Variants in EPM2A observed in about 807,000 individuals in gnomAD.
The protein encoded by EPM2A is EPM2A glucan phosphatase, laforin, also known as laforin.
Under a neutral mutation model 26.5 loss-of-function variants are expected in EPM2A, and 21 were observed. The observed-to-expected ratio is 0.79, with a 90% CI of 0.56 to 1.14. The LOEUF (loss-of-function observed/expected upper bound fraction) is 1.14. EPM2A is among the 50% of genes most tolerant of loss of function. EPM2A has a pLI of 0.00. For synonymous variants in EPM2A, 217 were observed against 177.6 expected (o/e 1.22, Z -1.76); for missense variants, 458 against 440.8 (o/e 1.04, Z -0.35).
Position 145,635,446 on chromosome 6 carries a change from C to T in EPM2A, c.517G>A (p.Val173Met), listed in dbSNP as rs2128562745. The change falls in exon 3 of 4, where the codon GTG (valine) becomes ATG (methionine). Residue 173 changes from valine to methionine, a missense_variant. Coordinates refer to ENST00000367519, the MANE Select transcript of EPM2A (RefSeq NM_005670.4). ...TTCAGTTTGATGGTTACATGTTCCA[C>T]CTGACGAGGGCAGCTACCCAGCCAG... ...NIWLGSCPRQ[V>M]EHVTIKLKHE... 6.2e-7 allele frequency: 1 copy of T among 1,614,032 alleles called. No homozygotes were observed. Among genetic ancestry groups the T allele is most frequent in the South Asian group, 1.1e-5 (1 of 91,086 alleles).
At chr6:145,674,104 C>A (rs1200316417) in intron 2 of EPM2A, among the ~76,000 whole-genome samples, 1 of 152,120 alleles carries the variant, frequency 6.6e-6, no homozygotes, top group Non-Finnish European at 1.5e-5. Flanking sequence ...AAGGATCAGG[C>A]AGCAATATTT....
intron 2 of EPM2A, among the ~76,000 whole-genome samples, chr6:145,541,743 A>G (rs1780513575): frequency 1.3e-5 from 2 of 152,198 alleles, no homozygotes; most frequent in Non-Finnish European, 2.9e-5. Context: ...CCAGAGGCAG[A>G]TATGAGACAA....
At chr6:145,527,644 T>C (rs1780295113) in intron 2 of EPM2A, among the ~76,000 whole-genome samples, 1 of 152,094 alleles carries the variant, frequency 6.6e-6, no homozygotes, top group African/African-American at 2.4e-5. Flanking sequence ...TCCATCCCTC[T>C]ACTTTGAGCC....
intron 4 of EPM2A, among the ~76,000 whole-genome samples, chr6:145,408,053 A>G (rs963499902): frequency 5.3e-5 from 8 of 152,210 alleles, no homozygotes; most frequent in African/African-American, 1.7e-4. Context: ...ATTTGAGGAC[A>G]TAATTCCTTA....
chr6:145,702,473 G>A (rs991507), intron 1 of EPM2A, among the ~76,000 whole-genome samples: 95,799 of 150,856 alleles, frequency 0.64, 30,975 homozygotes, highest in East Asian at 0.74. Context: ...TTTGCAAAAA[G>A]AAGAAAAAAA....
At chr6:145,724,876 T>A (rs1356360224) in intron 1 of EPM2A, among the ~76,000 whole-genome samples, 1 of 152,022 alleles carries the variant, frequency 6.6e-6, no homozygotes, top group Non-Finnish European at 1.5e-5. Flanking sequence ...TATACATATG[T>A]AAAAACTTCC....
intron 4 of EPM2A, among the ~76,000 whole-genome samples, chr6:145,431,013 A>G (rs1778914794): frequency 1.3e-5 from 2 of 152,232 alleles, no homozygotes; most frequent in South Asian, 2.1e-4. Flanking sequence ...TTAAAAAAAT[A>G]GAGCTTCTGG....
downstream of EPM2A, among the ~76,000 whole-genome samples, chr6:145,499,024 A>T (rs975333672): frequency 2.6e-5 from 4 of 152,236 alleles, no homozygotes; most frequent in African/African-American, 9.6e-5. Context: ...AATGCCTCCC[A>T]ATGGGTCTCT....
rs1157658494 is a variant in EPM2A at position 145,565,638 on chromosome 6, C to T, written c.341-63063G>A. On this transcript the variant is annotated intron_variant, in intron 2 of 3. Coordinates refer to the EPM2A transcript ENST00000450221. ...CTGAGCCAGACAGAATCCAGGGACCCAGAAAGGAAAGTCCTGAGTGAGGAT... is the reference window on the plus strand; with the variant it reads ...CTGAGCCAGACAGAATCCAGGGACCTAGAAAGGAAAGTCCTGAGTGAGGAT... Among the ~76,000 whole-genome samples the T allele has an allele frequency of 2.0e-5, 3 of 152,140 alleles. No homozygotes were observed. The East Asian group carries it at 5.8e-4, about 29-fold the overall frequency.
chr6:145,573,151 C>G (rs1690720249), intron 2 of EPM2A, among the ~76,000 whole-genome samples: 1 of 152,214 alleles, frequency 6.6e-6, no homozygotes, highest in South Asian at 2.1e-4. Context: ...ATCCACTCAG[C>G]AGAATGTCAT....
chr6:145,477,783 A>G (rs1331347274), intron 4 of EPM2A, among the ~76,000 whole-genome samples: 1 of 151,908 alleles, frequency 6.6e-6, no homozygotes, highest in African/African-American at 2.4e-5. Context: ...ACATACCTCA[A>G]TATAATAAAA....
chr6:145,591,313 T>C (rs944612246), intron 2 of EPM2A, among the ~76,000 whole-genome samples: 2 of 152,172 alleles, frequency 1.3e-5, no homozygotes, highest in African/African-American at 4.8e-5. Context: ...AGAAAATTTC[T>C]GGAATTAATG....
rs145960121 is a variant in EPM2A, at chr6:145,489,906, A to G, written c.555+12616T>C. On this transcript the variant is annotated intron_variant, in intron 4 of 4. Coordinates refer to the EPM2A transcript ENST00000638717. ...CTACGTGTACTTCAGTACCTTCTTC[A>G]GTCTGAATTCGACCCACTTCTAGAT... The G allele has an allele frequency of 5.2e-6, 7 of 1,354,354 alleles. No individual in the cohort carries two copies. In the East Asian group the frequency reaches 1.6e-4, roughly 31 times the overall value. The allele number at this position is 1,354,354 out of a possible 1,614,324, so 83.9% of individuals were successfully genotyped here.
At chr6:145,410,008 C>G (rs945029692) in intron 4 of EPM2A, among the ~76,000 whole-genome samples, 4 of 152,168 alleles carry the variant, frequency 2.6e-5, no homozygotes, top group Admixed American at 1.3e-4. Context: ...ATCATTTCTG[C>G]CACACTCTAT....
chr6:145,542,986 T>C (rs636894), intron 2 of EPM2A, among the ~76,000 whole-genome samples: 69,942 of 151,928 alleles, frequency 0.46, 16,113 homozygotes, highest in South Asian at 0.59. Flanking sequence ...CTCGAAATCT[T>C]GACCTCAGGT....
At chr6:145,538,008 G>C (rs7755887) in intron 2 of EPM2A, among the ~76,000 whole-genome samples, 1 of 151,922 alleles carries the variant, frequency 6.6e-6, no homozygotes, top group Non-Finnish European at 1.5e-5. Flanking sequence ...ATCATTGATG[G>C]GCATTTGGGT....
intron 2 of EPM2A, among the ~76,000 whole-genome samples, chr6:145,647,111 C>T (rs564195299): frequency 6.6e-6 from 1 of 152,280 alleles, no homozygotes; most frequent in African/African-American, 2.4e-5. Context: ...CTAGAGTGAT[C>T]GTTTTAAAGC....
chr6:145,515,293 T>C lies in EPM2A; in HGVS notation c.341-12718A>G, dbSNP rs536546347. Among the ~76,000 whole-genome samples, 19 of 152,242 alleles carry C rather than the reference T, an allele frequency of 1.2e-4. No individual in the cohort carries two copies. The South Asian group carries it at 3.7e-3, about 30-fold the overall frequency. ...TAAGATCAATTTTCTAGAACTGAAA[T>C]AAATGGGTGGCCTACTGAAATCTTA... On this transcript the variant is annotated intron_variant, in intron 2 of 3. Coordinates refer to the EPM2A transcript ENST00000450221.
chr6:145,414,417 T>C (rs1042752049), intron 4 of EPM2A, among the ~76,000 whole-genome samples: 1 of 151,894 alleles, frequency 6.6e-6, no homozygotes, highest in South Asian at 2.1e-4. Flanking sequence ...GTGGCAAAGA[T>C]TATCATAGCA....
Sources: gnomAD v4.1 joint callset for allele counts (sites outside exome capture counted in the v4.1 genomes callset) on GRCh38, gnomAD v4.1.1 for gene constraint, MANE v1.5 for transcripts, NCBI Gene and HGNC (gene_info 2026-07-23, HGNC 2026-07-21) for gene names.